The following IRF9 variants were observed in gnomAD, a reference collection of about 807,000 sequenced individuals.
The protein encoded by IRF9 is interferon regulatory factor 9.
Under a neutral mutation model 44.1 loss-of-function variants are expected in IRF9, and 13 were observed. The ratio of observed to expected loss-of-function variants is 0.29; its 90% confidence interval spans 0.19 to 0.47. IRF9 has a LOEUF of 0.47. Among genes scored for constraint, IRF9 ranks in the 20% least tolerant of loss-of-function variants. The pLI, the probability that IRF9 is intolerant of heterozygous loss-of-function variation, is 1.00. For missense variants in IRF9, 373 were observed against 496.1 expected (o/e 0.75, Z 2.36); for synonymous variants, 189 against 188.5 (o/e 1.00, Z -0.02).
chr14:24,163,774 TAGC>T (rs2038488818), intron 4 of IRF9, 101 bp from the exon 5 acceptor site: 1 of 1,191,046 alleles, frequency 8.4e-7, no homozygotes, highest in African/African-American at 1.6e-5. Context: ...GGGGCGGAGA[TAGC>T]AGTGAGCCGA....
intron 3 of IRF9, 109 bp from the exon 4 acceptor site, chr14:24,163,269 C>T (rs2038482472): frequency 1.9e-6 from 3 of 1,544,184 alleles, no homozygotes; most frequent in African/African-American, 2.7e-5. Context: ...GGCTGCAACC[C>T]AGGTTTCCCT....
In IRF9 at chr14:24,162,347, G is replaced by A. The variant is rs199541399; in HGVS notation, c.180+23G>A. The A allele has an allele frequency of 6.8e-6, 11 of 1,607,372 alleles. 1 individual carries two copies. Among genetic ancestry groups the A allele is most frequent in the Non-Finnish European group, 2.6e-6 (3 of 1,176,018 alleles). The stretch of plus-strand genomic sequence containing the variant: ...AAGGTGAAAGGGCCTGGAAACCACT[G>A]TTCCTCTGTGTGTGGGATGGTGTAT... On this transcript the variant is annotated intron_variant, in intron 2 of 8. Transcript: ENST00000396864.
chr14:24,162,034 T>A (rs750802162), intron 1 of IRF9, 110 bp from the exon 2 acceptor site: 22 of 976,862 alleles, frequency 2.3e-5, no homozygotes, highest in Non-Finnish European at 3.4e-5. Flanking sequence ...AGAAGATGGA[T>A]GGGATCTCTG....
chr14:24,164,244 A>G lies in IRF9; in HGVS notation c.649+110A>G. 1.1e-6 allele frequency: 1 copy of G among 944,760 alleles called. No individual in the cohort carries two copies. 58.5% of individuals were successfully genotyped at this position (944,760 alleles called of 1,614,324 possible). A position where few individuals can be genotyped will look rare whatever the true frequency, so the allele number is the denominator to read the frequency against. On this transcript the variant is annotated intron_variant, in intron 6 of 8. Coordinates refer to ENST00000396864, the MANE Select transcript of IRF9 (RefSeq NM_006084.5). This position sits in a 1 kb window ranked among gnomAD's most constrained non-coding sequence, Gnocchi z 5.2. ...AGGGCTTACAGCAAACTGTACCCAC[A>G]TTACCATAGCCCTAGGCAGTGGTTT... is the stretch of plus-strand genomic sequence containing the variant.
rs758499770 is a variant in IRF9 at position 24,163,423 on chromosome 14, C to T, written c.410C>T (p.Ser137Phe). Residue 137 changes from serine (S) to phenylalanine (F), a missense_variant, in exon 4 of 9, where the codon TCT becomes TTT. Physicochemically the swap from Ser to Phe is radical, Grantham distance 155. Coordinates refer to ENST00000396864, the MANE Select transcript of IRF9 (RefSeq NM_006084.5). ...QKVPSKRQHS[S>F]VSSERKEEED... ...GTACCATCAAAGCGACAGCACAGTT[C>T]TGTGTCCTCTGAGAGGAAGGAGGAA... 1.4e-5 allele frequency: 22 copies of T among 1,614,198 alleles called. No individual in the cohort carries two copies. The highest frequency in any genetic ancestry group is 1.1e-5 in the Non-Finnish European group (13 of 1,180,022).
chr14:24,166,101 T>C lies in IRF9; in HGVS notation c.1108-21T>C, dbSNP rs763102767. 5 of 1,608,986 alleles carry C rather than the reference T, an allele frequency of 3.1e-6. No homozygotes were observed. In the African/African-American group the frequency reaches 6.7e-5, roughly 21 times the overall value. ...CCTGATGCACGCACTGAGATGCTCT[T>C]CTCCATCTCTTCCAATACAGATGGA... On this transcript the variant is annotated intron_variant, in intron 8 of 8. Transcript: ENST00000396864.
intron 7 of IRF9, chr14:24,165,342 A>G: frequency 1.6e-6 from 1 of 640,244 alleles, no homozygotes; most frequent in East Asian, 2.7e-5. Context: ...CACATCACAC[A>G]CACTGGCCCT....
rs1180516495 is a variant in IRF9 at position 24,164,005 on chromosome 14, C to G, written c.577+46C>G. Reference sequence around the variant, plus strand: ...TGTGTCGTCCCCCATGCCACACCCTCTGGCCCAAGACTCCCCAGTCCCACT... The same window carrying G: ...TGTGTCGTCCCCCATGCCACACCCTGTGGCCCAAGACTCCCCAGTCCCACT... On this transcript the variant is annotated intron_variant, in intron 5 of 8. Transcript: ENST00000396864. This position sits in a 1 kb window ranked among gnomAD's most constrained non-coding sequence, Gnocchi z 5.2. The G allele has an allele frequency of 1.9e-6, 3 of 1,611,856 alleles. No individual in the cohort carries two copies. The highest frequency in any genetic ancestry group is 2.5e-6 in the Non-Finnish European group (3 of 1,178,602).
chr14:24,166,318 A>G lies in IRF9; in HGVS notation c.*122A>G. On this transcript the variant is annotated 3_prime_UTR_variant, in exon 9 of 9. Coordinates refer to ENST00000396864, the MANE Select transcript of IRF9 (RefSeq NM_006084.5). ...TAATTCTCAGTAGTTGTCCGTGATA[A>G]TCGTGTCCTGAAAATCCTCGCACAC... is the stretch of plus-strand genomic sequence containing the variant. 1 of 884,186 alleles carries G rather than the reference A, an allele frequency of 1.1e-6. No homozygotes were observed. Among genetic ancestry groups the G allele is most frequent in the Admixed American group, 2.0e-5 (1 of 49,294 alleles). 54.8% of individuals were successfully genotyped at this position (884,186 alleles called of 1,614,324 possible).
intron 7 of IRF9, chr14:24,165,345 C>G (rs1047753785): frequency 1.6e-6 from 1 of 636,444 alleles, no homozygotes; most frequent in Non-Finnish European, 2.9e-6. Context: ...ATCACACACA[C>G]TGGCCCTGGC....
At chr14:24,165,536 CA>C (rs2038512222) in intron 7 of IRF9, 1 of 523,740 alleles carries the variant, frequency 1.9e-6, no homozygotes, top group Non-Finnish European at 3.4e-6. Context: ...GAGCAAGTAG[CA>C]AAGGTCTGGG....
intron 3 of IRF9, 70 bp from the exon 4 acceptor site, chr14:24,163,308 C>T (rs1421998686): frequency 1.3e-6 from 2 of 1,576,676 alleles, no homozygotes; most frequent in Non-Finnish European, 1.7e-6. Context: ...TTCACTGCCT[C>T]AGACCTCTCC....
intron 3 of IRF9, 22 bp from the exon 4 acceptor site, chr14:24,163,356 C>G: frequency 1.2e-5 from 20 of 1,609,986 alleles, no homozygotes; most frequent in Non-Finnish European, 1.7e-5. Flanking sequence ...TGACCTTTCT[C>G]TGTCCCTCAA....
intron 1 of IRF9, 51 bp from the exon 2 acceptor site, chr14:24,162,093 T>A: frequency 6.4e-7 from 1 of 1,560,340 alleles, no homozygotes. Flanking sequence ...TCAGGAGATG[T>A]TCCCTCCCAA....
Position 24,161,303 on chromosome 14 carries a change from CGT to C in IRF9, c.-36_-35del, listed in dbSNP as rs1237070163. The C allele has an allele frequency of 6.6e-6, 1 of 152,276 alleles. No homozygotes were observed. Among genetic ancestry groups the C allele is most frequent in the Non-Finnish European group, 1.5e-5 (1 of 68,128 alleles). 9.4% of individuals were successfully genotyped at this position (152,276 alleles called of 1,614,324 possible). A position where few individuals can be genotyped will look rare whatever the true frequency, so the allele number is the denominator to read the frequency against. On this transcript the variant is annotated 5_prime_UTR_variant, in exon 1 of 9. Coordinates refer to ENST00000396864, the MANE Select transcript of IRF9 (RefSeq NM_006084.5). ...GCCCAGCCAGGAGTTAAGCTGAGGT[CGT>C]CTGAGCCCTGCGACAGCCTGGACAG... is the stretch of plus-strand genomic sequence containing the variant.
chr14:24,163,922 GAGCAGC>G lies in IRF9; in HGVS notation c.556_561del (p.Ser186_Ser187del), dbSNP rs746378882. The G allele has an allele frequency of 4.4e-6, 7 of 1,604,382 alleles. No individual in the cohort carries two copies. In the South Asian group the frequency reaches 4.4e-5, roughly 10 times the overall value. On this transcript the variant is annotated inframe_deletion, in exon 5 of 9. Transcript: ENST00000396864. The stretch of plus-strand genomic sequence containing the variant: ...GGGGAGCAGTCCATTCAGACATTGG[GAGCAGC>G]AGCAGCAGCAGCAGCCCTGAGCCAC...
rs2038525021 is a variant in IRF9, at chr14:24,166,550, T to G, written c.*354T>G. 5.3e-6 allele frequency: 2 copies of G among 379,568 alleles called. No homozygotes were observed. The highest frequency in any genetic ancestry group is 1.4e-4 in the South Asian group (2 of 14,070). The allele number at this position is 379,568 out of a possible 1,614,324, so 23.5% of individuals were successfully genotyped here. A position where few individuals can be genotyped will look rare whatever the true frequency, so the allele number is the denominator to read the frequency against. ...ATTCACTAAGGACTTAAAATAAAAT[T>G]TTATTGAAAGAGGAATCAGTATCTG... On this transcript the variant is annotated 3_prime_UTR_variant, in exon 9 of 9. Transcript: ENST00000396864.
intron 2 of IRF9, chr14:24,162,606 C>A (rs919394583): frequency 4.6e-6 from 2 of 433,932 alleles, no homozygotes; most frequent in Non-Finnish European, 8.2e-6. Context: ...TCAAGACCAG[C>A]CTGGCCAACA....
chr14:24,163,420 G>T lies in IRF9; in HGVS notation c.407G>T (p.Ser136Ile). 6.2e-7 allele frequency: 1 copy of T among 1,614,184 alleles called. No homozygotes were observed. Reference sequence around the variant, plus strand: ...AAAGTACCATCAAAGCGACAGCACAGTTCTGTGTCCTCTGAGAGGAAGGAG... The same window carrying T: ...AAAGTACCATCAAAGCGACAGCACATTTCTGTGTCCTCTGAGAGGAAGGAG... ...TQKVPSKRQH[S>I]SVSSERKEEE... Residue 136 changes from serine to isoleucine, a missense_variant, in exon 4 of 9, where the codon AGT becomes ATT. Ser to Ile is a moderately radical substitution (Grantham distance 142). Coordinates refer to ENST00000396864, the MANE Select transcript of IRF9 (RefSeq NM_006084.5).
Sources: allele counts gnomAD v4.1 joint callset, GRCh38; gene constraint gnomAD v4.1.1; non-coding constraint Gnocchi (gnomAD v3.1); transcripts MANE v1.5; gene names NCBI Gene and HGNC (gene_info 2026-07-23, HGNC 2026-07-21).